The following SLC35F3 variants were observed in gnomAD, a reference collection of about 807,000 sequenced individuals.
SLC35F3 encodes the protein putative thiamine transporter SLC35F3.
A neutral mutation model predicts 49.9 loss-of-function variants in SLC35F3; 25 were observed. The ratio of observed to expected loss-of-function variants is 0.50; its 90% CI spans 0.37 to 0.70. The LOEUF (loss-of-function observed/expected upper bound fraction) is 0.70. Among genes scored for constraint, SLC35F3 ranks in the 30% least tolerant of loss-of-function variants. The pLI is 0.00. For missense variants in SLC35F3, 525 were observed against 639.8 expected, an observed-to-expected ratio of 0.82 and a Z score of 1.94; for synonymous variants, 275 against 265.4, an observed-to-expected ratio of 1.04 and a Z score of -0.35.
intron 2 of SLC35F3, among the ~76,000 whole-genome samples, chr1:234,163,135 G>A (rs895002576): frequency 3.3e-5 from 5 of 152,212 alleles, no homozygotes; most frequent in African/African-American, 1.2e-4. Context: ...CCTATACCCA[G>A]AAGGACTACC....
intron 2 of SLC35F3, among the ~76,000 whole-genome samples, chr1:233,981,512 C>T (rs746611779): frequency 3.0e-4 from 45 of 152,052 alleles, no homozygotes; most frequent in Non-Finnish European, 4.1e-4. Context: ...TCTTGCTGAG[C>T]GGGATTCAAC....
At chr1:233,971,461 C>T (rs977774368) in intron 2 of SLC35F3, among the ~76,000 whole-genome samples, 5 of 152,184 alleles carry the variant, frequency 3.3e-5, no homozygotes, top group East Asian at 1.9e-4. Flanking sequence ...CACGCACAGG[C>T]GTGAAATCCC....
At chr1:234,023,514 G>T (rs889440687) in intron 2 of SLC35F3, among the ~76,000 whole-genome samples, 1 of 152,128 alleles carries the variant, frequency 6.6e-6, no homozygotes. Context: ...TTAAGAAATG[G>T]GGGAGAGGAG....
chr1:234,198,581 A>G (rs1309102782), intron 2 of SLC35F3, among the ~76,000 whole-genome samples: 1 of 149,756 alleles, frequency 6.7e-6, no homozygotes, highest in Non-Finnish European at 1.5e-5. Context: ...TAGCCATTCT[A>G]GCAGGTATGA....
chr1:234,235,324 G>A (rs1667447676), intron 3 of SLC35F3, among the ~76,000 whole-genome samples: 3 of 152,228 alleles, frequency 2.0e-5, no homozygotes, highest in Non-Finnish European at 4.4e-5. Context: ...TTCTGAGGAA[G>A]CAATAGTGCC....
chr1:233,928,968 G>A (rs1662201419), intron 2 of SLC35F3, among the ~76,000 whole-genome samples: 1 of 151,952 alleles, frequency 6.6e-6, no homozygotes, highest in Admixed American at 6.6e-5. Flanking sequence ...TTTAAATAAA[G>A]TCTTAGTGGC....
At chr1:234,309,078 A>G (rs1156368114) in intron 3 of SLC35F3, 23 bp from the exon 4 acceptor site, 1 of 1,602,548 alleles carries the variant, frequency 6.2e-7, no homozygotes, top group Non-Finnish European at 8.5e-7. Flanking sequence ...AATAATAACG[A>G]TGCCTCTCTT....
chr1:234,234,467 T>A (rs779919039), intron 3 of SLC35F3, among the ~76,000 whole-genome samples: 2 of 152,048 alleles, frequency 1.3e-5, no homozygotes, highest in Non-Finnish European at 2.9e-5. Flanking sequence ...AGGCAGACTC[T>A]GATTCAGTGG....
At chr1:234,255,125 CTGA>C (rs1667798209) in intron 3 of SLC35F3, among the ~76,000 whole-genome samples, 1 of 152,174 alleles carries the variant, frequency 6.6e-6, no homozygotes, top group Admixed American at 6.6e-5. Context: ...TGATGAAAGA[CTGA>C]TATCTAAAAC....
At chr1:233,970,464 G>A (rs1662974602) in intron 2 of SLC35F3, among the ~76,000 whole-genome samples, 1 of 152,176 alleles carries the variant, frequency 6.6e-6, no homozygotes, top group Non-Finnish European at 1.5e-5. Flanking sequence ...TGAATGAGGT[G>A]AATGTATCTT....
At chr1:234,201,109 C>G (rs886385797) in intron 2 of SLC35F3, among the ~76,000 whole-genome samples, 2 of 152,208 alleles carry the variant, frequency 1.3e-5, no homozygotes, top group Non-Finnish European at 2.9e-5. Flanking sequence ...AGAACAGTCA[C>G]CAAATGCAGG....
rs781469880 is a variant in SLC35F3, at chr1:234,081,904, A to ATTTTT, written c.284-149485_284-149481dup. On this transcript the variant is annotated intron_variant, in intron 2 of 7. Transcript: ENST00000366618. ...AGGCGCCTGCCACCATGCCTGGCTA[A>ATTTTT]TTTTTTTTTTTTTTTTTTTTTTTTT... 4.1e-3 allele frequency among the ~76,000 whole-genome samples: 161 copies of ATTTTT among 39,230 alleles called. 37 individuals carry two copies. The highest frequency in any genetic ancestry group is 0.041 in the East Asian group (40 of 976). The allele number at this position is 39,230 out of a possible 152,430, so 25.7% of individuals were successfully genotyped here.
At chr1:234,198,050 A>C (rs1666841356) in intron 2 of SLC35F3, among the ~76,000 whole-genome samples, 1 of 152,252 alleles carries the variant, frequency 6.6e-6, no homozygotes, top group South Asian at 2.1e-4. Context: ...AACATAAAAC[A>C]CAGGATGGGC....
chr1:234,134,771 G>T (rs1348747951), intron 2 of SLC35F3, among the ~76,000 whole-genome samples: 4 of 152,106 alleles, frequency 2.6e-5, no homozygotes, highest in Non-Finnish European at 4.4e-5. Context: ...GCCCAGGCTG[G>T]AGTGCAGTGG....
At chr1:233,999,138 A>G (rs897904118) in intron 2 of SLC35F3, among the ~76,000 whole-genome samples, 1 of 152,226 alleles carries the variant, frequency 6.6e-6, no homozygotes, top group African/African-American at 2.4e-5. Flanking sequence ...AAGACAGGAC[A>G]GATGCAACCC....
rs1296366105 is a variant in SLC35F3 at position 233,995,674 on chromosome 1, G to A, written c.283+89916G>A. Among the ~76,000 whole-genome samples the A allele has an allele frequency of 1.3e-5, 2 of 152,122 alleles. 1 individual carries two copies. The highest frequency in any genetic ancestry group is 3.9e-4 in the East Asian group (2 of 5,194). Reference sequence around the variant, plus strand: ...GTATAACAACAGCAGCAGAGGAGAGGAAGGCAAAGGTCCCTGCTTATCCCT... The same window carrying A: ...GTATAACAACAGCAGCAGAGGAGAGAAAGGCAAAGGTCCCTGCTTATCCCT... On this transcript the variant is annotated intron_variant, in intron 2 of 7. Coordinates refer to ENST00000366618, the MANE Select transcript of SLC35F3 (RefSeq NM_173508.4).
chr1:234,180,207 C>T lies in SLC35F3; in HGVS notation c.284-51210C>T, dbSNP rs568227312. Among the ~76,000 whole-genome samples, 11 of 152,278 alleles carry T rather than the reference C, an allele frequency of 7.2e-5. No individual in the cohort carries two copies. In the South Asian group the frequency reaches 2.3e-3, roughly 32 times the overall value. Reference sequence around the variant, plus strand: ...TCCCCACTGTGGGGCTCTCTGACTTCCCTCTTTTTCAAAAGGATGTGGCTA... The same window carrying T: ...TCCCCACTGTGGGGCTCTCTGACTTTCCTCTTTTTCAAAAGGATGTGGCTA... On this transcript the variant is annotated intron_variant, in intron 2 of 7. Coordinates refer to ENST00000366618, the MANE Select transcript of SLC35F3 (RefSeq NM_173508.4).
intron 3 of SLC35F3, among the ~76,000 whole-genome samples, chr1:234,306,156 T>A (rs1007633384): frequency 6.6e-6 from 1 of 151,536 alleles, no homozygotes; most frequent in African/African-American, 2.4e-5. Flanking sequence ...TTGTGCTGGG[T>A]TTTTTTGTTT....
intron 2 of SLC35F3, among the ~76,000 whole-genome samples, chr1:233,929,259 T>C (rs1662206345): frequency 6.6e-6 from 1 of 152,234 alleles, no homozygotes; most frequent in Admixed American, 6.5e-5. Flanking sequence ...AGACCAAGTC[T>C]CTTATCCAGC....
Sources: allele counts gnomAD v4.1 joint callset (sites outside exome capture counted in the v4.1 genomes callset), GRCh38; gene constraint gnomAD v4.1.1; transcripts MANE v1.5; gene names NCBI Gene and HGNC (gene_info 2026-07-23, HGNC 2026-07-21).